The following DENND5B variants were observed in gnomAD, a reference collection of about 807,000 sequenced individuals.
The protein encoded by DENND5B is DENN domain containing 5B.
Under a neutral mutation model 140.6 loss-of-function variants are expected in DENND5B, and 34 were observed. The ratio of observed to expected loss-of-function variants is 0.24; its 90% CI spans 0.18 to 0.32. The LOEUF (loss-of-function observed/expected upper bound fraction) is 0.32, where lower values mean the gene tolerates loss of function less well. DENND5B is among the 10% of genes least tolerant of loss of function. The pLI, the probability that DENND5B is intolerant of heterozygous loss-of-function variation, is 1.00. For missense variants in DENND5B, 1,142 were observed against 1,560.2 expected (o/e 0.73, Z 4.52); for synonymous variants, 551 against 562.1 (o/e 0.98, Z 0.28).
intron 10 of DENND5B, among the ~76,000 whole-genome samples, chr12:31,424,176 G>C (rs781689586): frequency 1.3e-5 from 2 of 152,060 alleles, no homozygotes; most frequent in Non-Finnish European, 2.9e-5. Context: ...AGACTAGAGA[G>C]ACAAAAGCAA....
chr12:31,550,189 T>C (rs1019687455), intron 1 of DENND5B, among the ~76,000 whole-genome samples: 2 of 149,838 alleles, frequency 1.3e-5, no homozygotes, highest in Admixed American at 1.3e-4. Flanking sequence ...GCATTAGGTA[T>C]ATCTCCTAAT....
At chr12:31,457,260 CTCTCAT>C (rs1389628461) in intron 4 of DENND5B, among the ~76,000 whole-genome samples, 1 of 152,194 alleles carries the variant, frequency 6.6e-6, no homozygotes, top group Non-Finnish European at 1.5e-5. Context: ...CTTCCTTCCA[CTCTCAT>C]TCTCTCTATC....
At chr12:31,513,805 G>A (rs917489999) in intron 1 of DENND5B, among the ~76,000 whole-genome samples, 6 of 151,334 alleles carry the variant, frequency 4.0e-5, no homozygotes, top group Non-Finnish European at 8.8e-5. Context: ...GAAGACCTCT[G>A]GGGTGTCATT....
At chr12:31,541,672 T>C (rs1407630711) in intron 1 of DENND5B, among the ~76,000 whole-genome samples, 6 of 152,196 alleles carry the variant, frequency 3.9e-5, no homozygotes, top group African/African-American at 1.4e-4. Flanking sequence ...AGAGCTACCA[T>C]ATGATCCAGT....
At chr12:31,481,468 G>C (rs745672098) in intron 2 of DENND5B, among the ~76,000 whole-genome samples, 14 of 152,130 alleles carry the variant, frequency 9.2e-5, no homozygotes, top group Non-Finnish European at 1.6e-4. Context: ...GGGTAAATAA[G>C]GGTTGCTATG....
intron 2 of DENND5B, among the ~76,000 whole-genome samples, chr12:31,491,284 C>G (rs1946517309): frequency 6.6e-6 from 1 of 152,088 alleles, no homozygotes; most frequent in South Asian, 2.1e-4. Flanking sequence ...GAGACCCCGT[C>G]TCTACCATAA....
At chr12:31,580,595 A>G (rs749847851) in intron 1 of DENND5B, among the ~76,000 whole-genome samples, 1 of 152,116 alleles carries the variant, frequency 6.6e-6, no homozygotes, top group Non-Finnish European at 1.5e-5. Flanking sequence ...CCTGGGTTCA[A>G]GCGATTCTCG....
At chr12:31,486,233 G>A (rs1388947998) in intron 2 of DENND5B, among the ~76,000 whole-genome samples, 1 of 152,160 alleles carries the variant, frequency 6.6e-6, no homozygotes, top group Non-Finnish European at 1.5e-5. Flanking sequence ...AGGTTGAAGG[G>A]AGCAGCACCC....
intron 1 of DENND5B, among the ~76,000 whole-genome samples, chr12:31,532,763 T>C (rs1398081557): frequency 1.3e-5 from 2 of 152,216 alleles, no homozygotes; most frequent in East Asian, 3.8e-4. Flanking sequence ...TAGATTGTGG[T>C]ACCAACTTGT....
chr12:31,523,738 G>C (rs932156766), intron 1 of DENND5B, among the ~76,000 whole-genome samples: 1 of 151,990 alleles, frequency 6.6e-6, no homozygotes, highest in South Asian at 2.1e-4. Flanking sequence ...TATATGACAA[G>C]AAAGATAACT....
intron 1 of DENND5B, among the ~76,000 whole-genome samples, chr12:31,582,713 G>A (rs1206888218): frequency 1.3e-5 from 2 of 152,134 alleles, no homozygotes; most frequent in Non-Finnish European, 2.9e-5. Context: ...AGGTCATAAA[G>A]GCCTGCCCGA....
chr12:31,569,236 T>C (rs979454107), intron 1 of DENND5B, among the ~76,000 whole-genome samples: 2 of 151,718 alleles, frequency 1.3e-5, no homozygotes, highest in Non-Finnish European at 2.9e-5. Flanking sequence ...CCCAGCTAAT[T>C]TTCTGTATTT....
At chr12:31,579,607 G>A (rs1950142675) in intron 1 of DENND5B, among the ~76,000 whole-genome samples, 1 of 152,042 alleles carries the variant, frequency 6.6e-6, no homozygotes, top group Non-Finnish European at 1.5e-5. Flanking sequence ...ACTGCAATGA[G>A]GCGAGATTGC....
intron 1 of DENND5B, among the ~76,000 whole-genome samples, chr12:31,500,071 T>A (rs1946942890): frequency 1.3e-5 from 2 of 152,342 alleles, no homozygotes; most frequent in African/African-American, 2.4e-5. Flanking sequence ...TCTGACTGTT[T>A]CAGATTTTGA....
intron 17 of DENND5B, among the ~76,000 whole-genome samples, chr12:31,394,344 T>C (rs1299085314): frequency 6.6e-6 from 1 of 152,086 alleles, no homozygotes; most frequent in Admixed American, 6.6e-5. Flanking sequence ...TTTCTGCTTA[T>C]AGCATGAGAA....
chr12:31,453,300 A>C (rs1263890110), intron 4 of DENND5B, among the ~76,000 whole-genome samples: 1 of 113,998 alleles, frequency 8.8e-6, no homozygotes, highest in Non-Finnish European at 2.2e-5. Flanking sequence ...AAGAGGTGAC[A>C]GAAATCAGAA....
chr12:31,484,233 C>T (rs1350826245), intron 2 of DENND5B, among the ~76,000 whole-genome samples: 2 of 152,114 alleles, frequency 1.3e-5, no homozygotes, highest in Non-Finnish European at 2.9e-5. Flanking sequence ...GCATTTGGCC[C>T]AGGGACTGCT....
chr12:31,491,405 G>A (rs1004091944), intron 2 of DENND5B, among the ~76,000 whole-genome samples: 3 of 152,164 alleles, frequency 2.0e-5, no homozygotes, highest in Non-Finnish European at 4.4e-5. Context: ...AGTAAGCCAA[G>A]ATTGCACCAC....
chr12:31,480,678 C>T (rs1946035363), intron 2 of DENND5B, among the ~76,000 whole-genome samples: 1 of 152,028 alleles, frequency 6.6e-6, no homozygotes, highest in South Asian at 2.1e-4. Context: ...AAAAGCACTT[C>T]ACAAAAATAG....
Sources: allele counts gnomAD v4.1 joint callset (sites outside exome capture counted in the v4.1 genomes callset), GRCh38; gene constraint gnomAD v4.1.1; transcripts MANE v1.5; gene names NCBI Gene and HGNC (gene_info 2026-07-23, HGNC 2026-07-21).